The following C4orf50 variants were observed in gnomAD, a reference collection of about 807,000 sequenced individuals.
The protein encoded by C4orf50 is chromosome 4 open reading frame 50.
In C4orf50, 80 loss-of-function variants were observed where a neutral mutation model predicts 77.2. That is an observed-to-expected ratio of 1.04 (90% CI 0.87 to 1.25). The LOEUF (loss-of-function observed/expected upper bound fraction) is 1.25, where lower values mean the gene tolerates loss of function less well. C4orf50 is among the 50% of genes most tolerant of loss of function. The probability of loss-of-function intolerance (pLI) is 0.00; values close to 1 mark genes in which losing one functional copy is unlikely to be tolerated. For synonymous variants in C4orf50, 532 were observed against 465.3 expected, an observed-to-expected ratio of 1.14 and a Z score of -1.84; for missense variants, 1,257 against 1,152.9, an observed-to-expected ratio of 1.09 and a Z score of -1.31.
At chr4:5,961,625 A>T (rs1404399278) in intron 33 of C4orf50, among the ~76,000 whole-genome samples, 1 of 152,174 alleles carries the variant, frequency 6.6e-6, no homozygotes, top group African/African-American at 2.4e-5. Flanking sequence ...CAAGATTTGA[A>T]CCCAGGCCAT....
intron 7 of C4orf50, among the ~76,000 whole-genome samples, chr4:5,921,430 C>T (rs984425142): frequency 2.0e-5 from 3 of 152,134 alleles, no homozygotes; most frequent in Admixed American, 6.6e-5. Flanking sequence ...CATATGTAGA[C>T]GGTGGCACAT....
exon 28 of C4orf50, chr4:5,990,171 C>T: frequency 2.4e-6 from 3 of 1,250,274 alleles, no homozygotes; most frequent in Non-Finnish European, 3.0e-6. Flanking sequence ...GTAGAAGAGG[C>T]ATCAAAAACT....
At chr4:5,952,284 TAAG>T (rs1054017107), downstream of C4orf50, among the ~76,000 whole-genome samples, 7 of 152,142 alleles carry the variant, frequency 4.6e-5, no homozygotes, top group Non-Finnish European at 8.8e-5. The surrounding 1 kb of genome is among the most constrained non-coding windows in gnomAD (Gnocchi z 4.4). Context: ...GATCAATAGA[TAAG>T]AAGAGGAGGA....
intron 7 of C4orf50, among the ~76,000 whole-genome samples, chr4:5,937,422 G>T (rs1437173323): frequency 1.3e-5 from 2 of 152,070 alleles, no homozygotes; most frequent in Non-Finnish European, 2.9e-5. Flanking sequence ...CACCTAGGGT[G>T]AAAAGTAGAA....
At position 5,992,139 on chromosome 4, in the gene C4orf50, C is replaced by T. The variant is rs57299480; in HGVS notation, c.1221+664G>A. ...TGCCCTGGGCTTCAAGGGAAGGGGG[C>T]GGTGAGGAGCGAGGCATATAGGGAT... On this transcript the variant is annotated intron_variant, in intron 27 of 33. Transcript: ENST00000531445. The surrounding 1 kb of genome is among the most constrained non-coding windows in gnomAD (Gnocchi z 5.0). Among the ~76,000 whole-genome samples, 28,063 of 152,090 alleles carry T rather than the reference C, an allele frequency of 0.18. 2,763 individuals are homozygous for T. Among genetic ancestry groups the T allele is most frequent in the African/African-American group, 0.21 (8,712 of 41,482 alleles).
chr4:5,939,503 C>T (rs1718173515), intron 7 of C4orf50, among the ~76,000 whole-genome samples: 2 of 152,310 alleles, frequency 1.3e-5, no homozygotes, highest in South Asian at 2.1e-4. Flanking sequence ...GCCCAGTGTG[C>T]TCACTGACGG....
intron 23 of C4orf50, among the ~76,000 whole-genome samples, chr4:6,016,900 C>A (rs1186346290): frequency 6.6e-6 from 1 of 152,136 alleles, no homozygotes; most frequent in Non-Finnish European, 1.5e-5. Context: ...TGGGGAAGTC[C>A]CGCAAAAATC....
At chr4:5,917,106 A>G (rs28505160) in intron 7 of C4orf50, among the ~76,000 whole-genome samples, 9,550 of 152,210 alleles carry the variant, frequency 0.063, 580 homozygotes, top group African/African-American at 0.15. Flanking sequence ...ATTTTTTGAT[A>G]TAATTCTCAA....
chr4:5,983,504 C>T (rs1261138058), intron 28 of C4orf50, among the ~76,000 whole-genome samples: 2 of 152,186 alleles, frequency 1.3e-5, no homozygotes, highest in East Asian at 3.9e-4. Flanking sequence ...TTCTAACCTT[C>T]GAAGTCTCAG....
intron 7 of C4orf50, among the ~76,000 whole-genome samples, chr4:5,925,248 G>A (rs1450116630): frequency 2.0e-5 from 3 of 151,684 alleles, no homozygotes; most frequent in African/African-American, 4.8e-5. Flanking sequence ...GGGGAGACCC[G>A]CAACCCCTGA....
In C4orf50 at chr4:5,963,476, C is replaced by T. The variant is rs116106935; in HGVS notation, c.4275+1548G>A. 5.3e-3 allele frequency among the ~76,000 whole-genome samples: 806 copies of T among 151,842 alleles called. 10 individuals carry two copies. The highest frequency in any genetic ancestry group is 0.039 in the South Asian group (187 of 4,800). On this transcript the variant is annotated intron_variant, in intron 33 of 33. Coordinates refer to ENST00000531445, the Ensembl canonical transcript of C4orf50. ...AACAATAGCTATCTTTTTTTTAATA[C>T]CTCCTCTATTTTTGATTCCAGGCAC...
intron 7 of C4orf50, chr4:5,898,317 T>G (rs1015767776): frequency 1.3e-5 from 2 of 152,194 alleles, no homozygotes; most frequent in Admixed American, 6.5e-5. Context: ...GTTGGTAGGA[T>G]AGACCCCAGC....
intron 7 of C4orf50, among the ~76,000 whole-genome samples, chr4:5,914,922 T>C (rs1159871876): frequency 6.6e-6 from 1 of 152,246 alleles, no homozygotes; most frequent in Non-Finnish European, 1.5e-5. Flanking sequence ...CCTACTAGGA[T>C]AAATTCTCCT....
chr4:5,968,844 T>C (rs886928890), intron 31 of C4orf50, among the ~76,000 whole-genome samples: 3 of 152,006 alleles, frequency 2.0e-5, no homozygotes, highest in African/African-American at 7.3e-5. Context: ...ACCGACAGAG[T>C]AGCCTCAAGC....
At position 5,905,263 on chromosome 4, in the gene C4orf50, G is replaced by A. The variant is rs1012109233; in HGVS notation, c.*2475-7075C>T. 14 of 152,342 alleles carry A rather than the reference G, an allele frequency of 9.2e-5. No individual in the cohort carries two copies. The highest frequency in any genetic ancestry group is 3.1e-4 in the African/African-American group (13 of 41,572). The allele number at this position is 152,342 out of a possible 1,614,324, so 9.4% of individuals were successfully genotyped here. ...TCAACAGCCATCTCTTGGGTCCCCAGGTTGGTATCATACAGAGTAGAAGTA... is the reference window on the plus strand; with the variant it reads ...TCAACAGCCATCTCTTGGGTCCCCAAGTTGGTATCATACAGAGTAGAAGTA... On this transcript the variant is annotated intron_variant, in intron 7 of 7. Coordinates refer to the C4orf50 transcript ENST00000324058. The surrounding 1 kb of genome is among the most constrained non-coding windows in gnomAD (Gnocchi z 5.4).
intron 25 of C4orf50, among the ~76,000 whole-genome samples, chr4:5,997,074 A>G (rs1485130755): frequency 1.3e-5 from 2 of 152,234 alleles, no homozygotes; most frequent in Admixed American, 6.5e-5. Context: ...AGGGAAAGGA[A>G]GAGACAGAAA....
At chr4:5,966,913 G>T (rs965915846) in intron 32 of C4orf50, among the ~76,000 whole-genome samples, 1 of 152,190 alleles carries the variant, frequency 6.6e-6, no homozygotes, top group Non-Finnish European at 1.5e-5. Flanking sequence ...CCCCCAAAGT[G>T]CTGGGATTAC....
At chr4:5,933,556 C>T (rs188610079) in intron 7 of C4orf50, among the ~76,000 whole-genome samples, 1 of 152,298 alleles carries the variant, frequency 6.6e-6, no homozygotes, top group East Asian at 1.9e-4. Flanking sequence ...TCCCTGAGGG[C>T]TGGAGCTATG....
At chr4:5,913,620 A>C (rs941734107) in intron 7 of C4orf50, among the ~76,000 whole-genome samples, 3 of 152,170 alleles carry the variant, frequency 2.0e-5, no homozygotes, top group Non-Finnish European at 4.4e-5. Context: ...TTCCGGTCCA[A>C]TTGATGGATT....
Sources: allele counts gnomAD v4.1 joint callset (sites outside exome capture counted in the v4.1 genomes callset), GRCh38; gene constraint gnomAD v4.1.1; non-coding constraint Gnocchi (gnomAD v3.1); transcripts MANE v1.5; gene names NCBI Gene and HGNC (gene_info 2026-07-23, HGNC 2026-07-21).